The following ARHGAP32 variants were observed in gnomAD, a reference collection of about 807,000 sequenced individuals.
The protein encoded by ARHGAP32 is Rho GTPase activating protein 32, also known as rho GTPase-activating protein 32.
In ARHGAP32, 51 loss-of-function variants were observed where a neutral mutation model predicts 186.5. That is an observed-to-expected ratio of 0.27 (90% confidence interval 0.22 to 0.35). The LOEUF (loss-of-function observed/expected upper bound fraction) is 0.35, where lower values mean the gene tolerates loss of function less well. Among genes scored for constraint, ARHGAP32 ranks in the 10% least tolerant of loss-of-function variants. The pLI is 1.00. For synonymous variants in ARHGAP32, 950 were observed against 964.3 expected, an observed-to-expected ratio of 0.99 and a Z score of 0.27; for missense variants, 2,186 against 2,623.5, an observed-to-expected ratio of 0.83 and a Z score of 3.64.
chr11:129,038,451 A>C (rs11221545), intron 11 of ARHGAP32, among the ~76,000 whole-genome samples: 31,200 of 151,994 alleles, frequency 0.21, 3,437 homozygotes, highest in Non-Finnish European at 0.22. Flanking sequence ...TAAATGACTA[A>C]AGAAACATCA....
chr11:128,970,140 C>T lies in ARHGAP32; in HGVS notation c.5073G>A (p.Gln1691=). The T allele has an allele frequency of 6.2e-7, 1 of 1,614,204 alleles. No homozygotes were observed. The highest frequency in any genetic ancestry group is 1.3e-5 in the African/African-American group (1 of 75,036). ...TGGGAAGGCGGTGAAGGGGTCTCAACTGGACTGTGCCATAGGCATCCACAT... is the reference window on the plus strand; with the variant it reads ...TGGGAAGGCGGTGAAGGGGTCTCAATTGGACTGTGCCATAGGCATCCACAT... ...LCDVDAYGTV[Q]LRPLHRLPNR... The change falls in exon 23 of 23, where the codon CAG becomes CAA. Residue 1691 remains glutamine, a synonymous_variant. Coordinates refer to ENST00000682385, the MANE Select transcript of ARHGAP32 (RefSeq NM_001378024.1). This position sits in a 1 kb window ranked among gnomAD's most constrained non-coding sequence, Gnocchi z 5.8.
At chr11:129,183,772 C>T (rs943071364) in intron 1 of ARHGAP32, among the ~76,000 whole-genome samples, 13 of 148,044 alleles carry the variant, frequency 8.8e-5, no homozygotes, top group African/African-American at 3.4e-4. Context: ...TAAGACCCAC[C>T]AAATTGCATG....
intron 1 of ARHGAP32, among the ~76,000 whole-genome samples, chr11:129,236,483 T>G (rs966316679): frequency 3.9e-5 from 6 of 152,202 alleles, no homozygotes; most frequent in Non-Finnish European, 8.8e-5. Flanking sequence ...CTTTGTCTGA[T>G]GTACAGATTG....
chr11:129,224,165 C>G (rs1206993761), intron 1 of ARHGAP32, among the ~76,000 whole-genome samples: 1 of 152,186 alleles, frequency 6.6e-6, no homozygotes, highest in Admixed American at 6.5e-5. Flanking sequence ...ATGTCCTATG[C>G]ACTACACCAT....
chr11:129,117,546 G>A (rs1942402417), intron 5 of ARHGAP32, among the ~76,000 whole-genome samples: 1 of 151,934 alleles, frequency 6.6e-6, no homozygotes, highest in Admixed American at 6.6e-5. Context: ...AGCCATGACA[G>A]CATTTTCAAG....
chr11:129,233,216 G>A (rs1205615145), intron 1 of ARHGAP32, among the ~76,000 whole-genome samples: 3 of 152,272 alleles, frequency 2.0e-5, no homozygotes, highest in Non-Finnish European at 4.4e-5. Flanking sequence ...ATGATATGAT[G>A]TCAGGGATTG....
intron 10 of ARHGAP32, among the ~76,000 whole-genome samples, chr11:129,049,692 G>A (rs1395691824): frequency 6.6e-6 from 1 of 152,124 alleles, no homozygotes; most frequent in Non-Finnish European, 1.5e-5. Context: ...GATCACTCAT[G>A]TTGCTGTATT....
chr11:129,084,365 A>G (rs996213209), intron 6 of ARHGAP32, among the ~76,000 whole-genome samples: 2 of 151,588 alleles, frequency 1.3e-5, no homozygotes, highest in Admixed American at 6.6e-5. Context: ...AAAAAAAACT[A>G]CAGACAAATA....
intron 11 of ARHGAP32, among the ~76,000 whole-genome samples, chr11:129,014,764 A>C (rs1938247980): frequency 6.6e-6 from 1 of 152,152 alleles, no homozygotes; most frequent in East Asian, 1.9e-4. Flanking sequence ...TCTTTTATTC[A>C]AAGTTCCCAA....
At chr11:128,981,590 T>C in intron 16 of ARHGAP32, 29 bp from the exon 17 acceptor site, 7 of 1,590,270 alleles carry the variant, frequency 4.4e-6, no homozygotes, top group South Asian at 3.4e-5. Context: ...CATCACAGAG[T>C]TGTAAAGATA....
In ARHGAP32 at chr11:129,038,365, C is replaced by T. The variant is rs190689354; in HGVS notation, c.1045+2563G>A. On this transcript the variant is annotated intron_variant, in intron 11 of 22. Transcript: ENST00000682385. ...AATATGTAACATCTAAAACTGTAAA[C>T]CTCTCAGAAGAAAACACAGGAGTAA... 2.3e-3 allele frequency among the ~76,000 whole-genome samples: 348 copies of T among 151,984 alleles called. 9 individuals are homozygous for T. Among genetic ancestry groups the T allele is most frequent in the African/African-American group, 7.6e-3 (314 of 41,340 alleles).
chr11:129,192,740 T>A (rs1438011474), upstream of ARHGAP32, among the ~76,000 whole-genome samples: 1 of 152,112 alleles, frequency 6.6e-6, no homozygotes, highest in African/African-American at 2.4e-5. Context: ...TGCCTTCCAA[T>A]ATTACACCCA....
At chr11:129,257,102 T>G (rs1945264392) in intron 1 of ARHGAP32, among the ~76,000 whole-genome samples, 1 of 152,142 alleles carries the variant, frequency 6.6e-6, no homozygotes, top group African/African-American at 2.4e-5. Context: ...GTTTTTAAGC[T>G]AGGCACAAAA....
intron 1 of ARHGAP32, among the ~76,000 whole-genome samples, chr11:129,171,584 T>C (rs1269674033): frequency 1.3e-5 from 2 of 152,246 alleles, no homozygotes; most frequent in African/African-American, 4.8e-5. Context: ...CGTTGTAGTA[T>C]AGTTTGAAGT....
intron 6 of ARHGAP32, among the ~76,000 whole-genome samples, chr11:129,087,709 G>C (rs1300420819): frequency 6.6e-6 from 1 of 152,234 alleles, no homozygotes; most frequent in African/African-American, 2.4e-5. Context: ...ACACCTCCAA[G>C]AGTAAACCCT....
At chr11:129,107,811 T>C (rs1025305462) in intron 5 of ARHGAP32, among the ~76,000 whole-genome samples, 4 of 136,878 alleles carry the variant, frequency 2.9e-5, no homozygotes, top group Admixed American at 9.0e-5. Context: ...GAGGTTGCAG[T>C]GAACCAAGAT....
intron 1 of ARHGAP32, among the ~76,000 whole-genome samples, chr11:129,241,949 G>C (rs1385424428): frequency 6.6e-6 from 1 of 152,164 alleles, no homozygotes; most frequent in Non-Finnish European, 1.5e-5. Flanking sequence ...TCCTGGTAGG[G>C]AGGAAGCTGA....
rs952713908 is a variant in ARHGAP32 at position 129,230,236 on chromosome 11, G to A, written c.-5+48910C>T. ...ACATACAGGTTGAGAAAAACCTAAA[G>A]TTTAACATTATACTGCTTGGCCAAT... On this transcript the variant is annotated intron_variant, in intron 1 of 6. Coordinates refer to the ARHGAP32 transcript ENST00000525234. Among the ~76,000 whole-genome samples the A allele has an allele frequency of 2.0e-5, 3 of 151,766 alleles. No homozygotes were observed. The East Asian group carries it at 5.8e-4, about 29-fold the overall frequency.
chr11:129,193,703 A>T (rs7123895), upstream of ARHGAP32, among the ~76,000 whole-genome samples: 14,235 of 48,018 alleles, frequency 0.3, 1,645 homozygotes, highest in Non-Finnish European at 0.35. Context: ...ATAATATATA[A>T]TATATATTAT....
Sources: allele counts gnomAD v4.1 joint callset (sites outside exome capture counted in the v4.1 genomes callset), GRCh38; gene constraint gnomAD v4.1.1; non-coding constraint Gnocchi (gnomAD v3.1); transcripts MANE v1.5; gene names NCBI Gene and HGNC (gene_info 2026-07-23, HGNC 2026-07-21).